Variants in LRPPRC observed in about 807,000 individuals in gnomAD.
LRPPRC encodes leucine rich pentatricopeptide repeat containing, also known as leucine-rich PPR motif-containing protein, mitochondrial.
LRPPRC carries 120 observed loss-of-function variants against 180.3 expected under a neutral mutation model. The observed-to-expected ratio is 0.67, with a 90% CI of 0.57 to 0.77. The LOEUF (loss-of-function observed/expected upper bound fraction) is 0.77, where lower values mean the gene tolerates loss of function less well. Among genes scored for constraint, LRPPRC ranks in the 30% least tolerant of loss-of-function variants. The pLI is 0.00. For missense variants in LRPPRC, 2,012 were observed against 1,657.2 expected (o/e 1.21, Z -3.72); for synonymous variants, 723 against 600.0 (o/e 1.21, Z -3.00).
chr2:43,942,356 G>C (rs1388158260), intron 23 of LRPPRC, among the ~76,000 whole-genome samples: 1 of 152,046 alleles, frequency 6.6e-6, no homozygotes, highest in African/African-American at 2.4e-5. Context: ...AATTCTAATA[G>C]GAAGCATATT....
intron 1 of LRPPRC, among the ~76,000 whole-genome samples, chr2:43,995,429 C>A (rs541783979): frequency 1.3e-5 from 2 of 152,320 alleles, no homozygotes; most frequent in South Asian, 4.1e-4. Flanking sequence ...GGTGACCGCA[C>A]GTGGGACACC....
intron 22 of LRPPRC, among the ~76,000 whole-genome samples, chr2:43,944,954 T>C (rs1178796806): frequency 6.6e-6 from 1 of 152,058 alleles, no homozygotes; most frequent in Non-Finnish European, 1.5e-5. Flanking sequence ...TAGGTTATGT[T>C]TATAGGTTTT....
intron 22 of LRPPRC, 49 bp downstream of exon 22, chr2:43,945,283 A>G (rs775535203): frequency 4.2e-5 from 50 of 1,181,638 alleles, no homozygotes; most frequent in Non-Finnish European, 6.1e-5. Context: ...ATGTTATTCC[A>G]GTGGCAAGAT....
intron 2 of LRPPRC, among the ~76,000 whole-genome samples, chr2:43,981,178 C>A (rs1674291862): frequency 6.6e-6 from 1 of 151,288 alleles, no homozygotes; most frequent in Non-Finnish European, 1.5e-5. Flanking sequence ...GTGACTCAAA[C>A]AGATTTTTAG....
intron 36 of LRPPRC, among the ~76,000 whole-genome samples, chr2:43,893,166 C>T (rs1349973578): frequency 6.6e-6 from 1 of 152,078 alleles, no homozygotes; most frequent in African/African-American, 2.4e-5. Flanking sequence ...CTATGGATGA[C>T]CAAAGAAAGT....
intron 30 of LRPPRC, among the ~76,000 whole-genome samples, chr2:43,909,720 GGT>G (rs1671191003): frequency 6.6e-6 from 1 of 151,684 alleles, no homozygotes; most frequent in Non-Finnish European, 1.5e-5. Context: ...TGGTTCCAAG[GGT>G]GTATACTTAT....
At chr2:43,918,981 A>G (rs1039004191) in intron 27 of LRPPRC, among the ~76,000 whole-genome samples, 5 of 151,982 alleles carry the variant, frequency 3.3e-5, no homozygotes, top group African/African-American at 1.2e-4. Flanking sequence ...TATATCTATG[A>G]TCTTTGCAAA....
At chr2:43,990,407 G>C (rs751199545) in intron 1 of LRPPRC, among the ~76,000 whole-genome samples, 1 of 152,070 alleles carries the variant, frequency 6.6e-6, no homozygotes, top group Non-Finnish European at 1.5e-5. Context: ...TGCAATACCA[G>C]TGTTGTTCCA....
chr2:43,962,808 C>T lies in LRPPRC; in HGVS notation c.1488+780G>A, dbSNP rs140188649. Among the ~76,000 whole-genome samples the T allele has an allele frequency of 2.0e-3, 310 of 152,220 alleles. 2 individuals are homozygous for T. The highest frequency in any genetic ancestry group is 7.3e-3 in the African/African-American group (305 of 41,540). ...TTTATGGGAAGTGAAAAATAATATT[C>T]AAAAAGTGAAAACTGAAGCAGGGCA... On this transcript the variant is annotated intron_variant, in intron 12 of 37. Coordinates refer to ENST00000260665, the MANE Select transcript of LRPPRC (RefSeq NM_133259.4).
chr2:43,923,411 G>C (rs532367278), intron 27 of LRPPRC, among the ~76,000 whole-genome samples: 3 of 152,160 alleles, frequency 2.0e-5, no homozygotes, highest in Non-Finnish European at 4.4e-5. Flanking sequence ...AGGATTTCTT[G>C]AGCCCAGGAG....
chr2:43,919,741 C>T (rs978507219), intron 27 of LRPPRC, among the ~76,000 whole-genome samples: 2 of 151,902 alleles, frequency 1.3e-5, no homozygotes, highest in African/African-American at 4.8e-5. Flanking sequence ...TGAAAAATGT[C>T]ACATGACACT....
chr2:43,973,772 C>G (rs1293148950), intron 10 of LRPPRC, 23 bp downstream of exon 10: 1 of 1,605,032 alleles, frequency 6.2e-7, no homozygotes, highest in East Asian at 2.2e-5. Context: ...CCTTACTTGG[C>G]TTTAACTTTA....
At chr2:43,971,625 T>C (rs1374766467) in intron 11 of LRPPRC, among the ~76,000 whole-genome samples, 3 of 143,228 alleles carry the variant, frequency 2.1e-5, no homozygotes, top group Non-Finnish European at 4.5e-5. Context: ...TCTGAAGAGA[T>C]GTATTTATTC....
intron 27 of LRPPRC, among the ~76,000 whole-genome samples, chr2:43,921,096 A>G (rs932117189): frequency 2.6e-5 from 4 of 152,172 alleles, no homozygotes; most frequent in African/African-American, 4.8e-5. Flanking sequence ...GTTCGAGACC[A>G]GCCTGGACAA....
intron 23 of LRPPRC, among the ~76,000 whole-genome samples, chr2:43,943,013 G>A (rs993134973): frequency 1.5e-4 from 23 of 151,924 alleles, no homozygotes; most frequent in Non-Finnish European, 2.8e-4. Context: ...TGACAAAGAA[G>A]ATCTAGGAAA....
Position 43,995,734 on chromosome 2 carries a change from G to A in LRPPRC, c.149+65C>T, listed in dbSNP as rs574363531. On this transcript the variant is annotated intron_variant, in intron 1 of 37. Coordinates refer to ENST00000260665, the MANE Select transcript of LRPPRC (RefSeq NM_133259.4). ...GCACAGGCAGGACCCGGTCCCTGCC[G>A]GCACCCACGACCCCGGGGGACCCTG... 1,489 of 1,328,912 alleles carry A rather than the reference G, an allele frequency of 1.1e-3. 15 individuals are homozygous for A. In the African/African-American group the frequency reaches 0.021, roughly 19 times the overall value. 82.3% of individuals were successfully genotyped at this position (1,328,912 alleles called of 1,614,324 possible).
Position 43,925,154 on chromosome 2 carries a change from C to T in LRPPRC, c.2809G>A (p.Glu937Lys). ...CDRCVANNQV[E>K]TLEKLVELTQ... ...AGCTCCACTAATTTTTCCAGAGTTT[C>T]AACCTTAAAAGTAAGATTAAGAGAT... is the stretch of plus-strand genomic sequence containing the variant. The change falls in exon 27 of 38, where the codon GAA becomes AAA. Residue 937 changes from glutamate to lysine, a missense_variant. By Grantham distance (56) the Glu-to-Lys change is moderately conservative. Transcript: ENST00000260665. 1 of 1,546,206 alleles carries T rather than the reference C, an allele frequency of 6.5e-7. No homozygotes were observed. Among genetic ancestry groups the T allele is most frequent in the African/African-American group, 1.4e-5 (1 of 73,684 alleles).
chr2:43,991,130 T>C (rs1406035642), intron 1 of LRPPRC, among the ~76,000 whole-genome samples: 1 of 151,524 alleles, frequency 6.6e-6, no homozygotes, highest in Non-Finnish European at 1.5e-5. Flanking sequence ...CCCAGGTTCA[T>C]GCCATTCTCC....
chr2:43,890,191 A>C, intron 36 of LRPPRC: 1 of 412,780 alleles, frequency 2.4e-6, no homozygotes, highest in South Asian at 2.2e-5. Flanking sequence ...GTGACCACAA[A>C]CTGAAGTCCT....
Sources: gnomAD v4.1 joint callset for allele counts (sites outside exome capture counted in the v4.1 genomes callset) on GRCh38, gnomAD v4.1.1 for gene constraint, MANE v1.5 for transcripts, NCBI Gene and HGNC (gene_info 2026-07-23, HGNC 2026-07-21) for gene names.